The following GPC5 variants were observed in gnomAD, a reference collection of about 807,000 sequenced individuals.
The protein encoded by GPC5 is glypican 5, also known as glypican-5.
A neutral mutation model predicts 53.9 loss-of-function variants in GPC5; 47 were observed. The observed-to-expected ratio is 0.87, with a 90% confidence interval of 0.69 to 1.11. GPC5 has a LOEUF of 1.11. GPC5 is among the 50% of genes most tolerant of loss of function. GPC5 has a pLI of 0.00. For synonymous variants in GPC5, 286 were observed against 263.3 expected (o/e 1.09, Z -0.84); for missense variants, 748 against 713.1 (o/e 1.05, Z -0.56).
At chr13:91,837,887 T>G (rs1415207113) in intron 5 of GPC5, among the ~76,000 whole-genome samples, 1 of 151,890 alleles carries the variant, frequency 6.6e-6, no homozygotes, top group Non-Finnish European at 1.5e-5. Context: ...TGGTAAAAAA[T>G]GACATGGGTG....
At chr13:91,700,390 G>C (rs1457665696) in intron 3 of GPC5, among the ~76,000 whole-genome samples, 1 of 152,186 alleles carries the variant, frequency 6.6e-6, no homozygotes, top group Non-Finnish European at 1.5e-5. Context: ...TGAGAATAAA[G>C]ACTGATAATC....
At chr13:91,795,494 AT>A (rs2038032623) in intron 5 of GPC5, among the ~76,000 whole-genome samples, 2 of 152,144 alleles carry the variant, frequency 1.3e-5, no homozygotes, top group Non-Finnish European at 2.9e-5. Context: ...TTTAGCCATG[AT>A]TTGTTGATTG....
chr13:91,469,268 C>T (rs748330933), intron 2 of GPC5, among the ~76,000 whole-genome samples: 2 of 152,022 alleles, frequency 1.3e-5, no homozygotes, highest in African/African-American at 2.4e-5. Context: ...ACCACCATGT[C>T]CAGCTCATTT....
At chr13:92,738,331 T>A (rs1888995392) in intron 7 of GPC5, among the ~76,000 whole-genome samples, 1 of 152,106 alleles carries the variant, frequency 6.6e-6, no homozygotes, top group African/African-American at 2.4e-5. Context: ...TGGTAAAGAC[T>A]ACTTAAAATA....
At chr13:92,468,068 T>C (rs1179915366) in intron 7 of GPC5, among the ~76,000 whole-genome samples, 1 of 152,088 alleles carries the variant, frequency 6.6e-6, no homozygotes, top group East Asian at 1.9e-4. Flanking sequence ...TAATATAAAA[T>C]GGGTCTAAGT....
intron 2 of GPC5, among the ~76,000 whole-genome samples, chr13:91,550,639 A>G (rs924939500): frequency 6.6e-6 from 1 of 152,132 alleles, no homozygotes; most frequent in African/African-American, 2.4e-5. Flanking sequence ...ATTGTAGTTC[A>G]TTAAGAAGTA....
chr13:92,179,196 TG>T (rs2042129228), intron 7 of GPC5, among the ~76,000 whole-genome samples: 1 of 152,086 alleles, frequency 6.6e-6, no homozygotes, highest in East Asian at 1.9e-4. Flanking sequence ...AAATTAGCTC[TG>T]GGGTAAAACA....
chr13:91,473,605 A>G (rs1162533332), intron 2 of GPC5, among the ~76,000 whole-genome samples: 1 of 152,148 alleles, frequency 6.6e-6, no homozygotes, highest in African/African-American at 2.4e-5. Flanking sequence ...CTTCAGTTTT[A>G]TCTCCTTCTC....
intron 6 of GPC5, among the ~76,000 whole-genome samples, chr13:92,040,905 C>T (rs2138823681): frequency 6.6e-6 from 1 of 152,326 alleles, no homozygotes; most frequent in Admixed American, 6.5e-5. Flanking sequence ...GGCTGCCGTG[C>T]AATGGCAGGA....
intron 7 of GPC5, among the ~76,000 whole-genome samples, chr13:92,434,659 A>G (rs1877230290): frequency 6.6e-6 from 1 of 152,178 alleles, no homozygotes; most frequent in Non-Finnish European, 1.5e-5. Flanking sequence ...CTTGAAGGTA[A>G]TATCCCTTTG....
At chr13:91,811,295 A>G (rs919621544) in intron 5 of GPC5, among the ~76,000 whole-genome samples, 1 of 152,012 alleles carries the variant, frequency 6.6e-6, no homozygotes, top group African/African-American at 2.4e-5. Context: ...TAATCACACT[A>G]ATTCTAGTTT....
intron 6 of GPC5, among the ~76,000 whole-genome samples, chr13:92,086,641 G>GTC (rs2041337644): frequency 6.6e-6 from 1 of 151,416 alleles, no homozygotes; most frequent in African/African-American, 2.4e-5. Flanking sequence ...TACCAAACCT[G>GTC]TCTCTCTCTC....
intron 6 of GPC5, among the ~76,000 whole-genome samples, chr13:91,971,601 T>TAGG (rs2040242894): frequency 6.6e-6 from 1 of 152,062 alleles, no homozygotes; most frequent in Admixed American, 6.5e-5. Context: ...TTGTGGGCAT[T>TAGG]TAGTGCTATA....
chr13:91,559,806 C>T (rs552745891), intron 2 of GPC5, among the ~76,000 whole-genome samples: 1 of 152,170 alleles, frequency 6.6e-6, no homozygotes, highest in African/African-American at 2.4e-5. Flanking sequence ...ACAGGCAGTT[C>T]AGGTTGTTCC....
At chr13:92,326,708 C>A (rs2139230305) in intron 7 of GPC5, among the ~76,000 whole-genome samples, 1 of 152,168 alleles carries the variant, frequency 6.6e-6, no homozygotes, top group South Asian at 2.1e-4. Flanking sequence ...CGTAAGAGCC[C>A]AGTTTAATAC....
intron 6 of GPC5, among the ~76,000 whole-genome samples, chr13:92,097,487 C>T (rs2041431237): frequency 6.6e-6 from 1 of 152,166 alleles, no homozygotes; most frequent in African/African-American, 2.4e-5. Context: ...ATCAAAATGT[C>T]AAAGTATTCT....
chr13:92,164,626 C>A (rs2042014204), intron 7 of GPC5, among the ~76,000 whole-genome samples: 1 of 152,182 alleles, frequency 6.6e-6, no homozygotes, highest in Non-Finnish European at 1.5e-5. Context: ...TTTCCAGGCA[C>A]ACAGTGCAAG....
intron 2 of GPC5, among the ~76,000 whole-genome samples, chr13:91,653,613 A>G (rs1470944756): frequency 6.6e-6 from 1 of 152,148 alleles, no homozygotes; most frequent in Non-Finnish European, 1.5e-5. Flanking sequence ...AAACAAAAAA[A>G]CATAATCAAT....
At chr13:92,742,739 A>G (rs1889138488) in intron 7 of GPC5, among the ~76,000 whole-genome samples, 2 of 152,072 alleles carry the variant, frequency 1.3e-5, no homozygotes, top group Non-Finnish European at 2.9e-5. Context: ...TCTTTAATCC[A>G]TCTTGAATTA....
Sources: allele counts gnomAD v4.1 joint callset (sites outside exome capture counted in the v4.1 genomes callset), GRCh38; gene constraint gnomAD v4.1.1; transcripts MANE v1.5; gene names NCBI Gene and HGNC (gene_info 2026-07-23, HGNC 2026-07-21).